The following INF2 variants were observed in gnomAD, a reference collection of about 807,000 sequenced individuals.
The protein encoded by INF2 is inverted formin-2.
INF2 carries 43 observed loss-of-function variants against 123.5 expected under a neutral mutation model. The observed-to-expected ratio is 0.35, with a 90% CI of 0.27 to 0.45. The LOEUF (loss-of-function observed/expected upper bound fraction) is 0.45, where lower values mean the gene tolerates loss of function less well. Among genes scored for constraint, INF2 ranks in the 20% least tolerant of loss-of-function variants. The probability of loss-of-function intolerance (pLI) is 1.00; values close to 1 mark genes in which losing one functional copy is unlikely to be tolerated. For missense variants in INF2, 1,453 were observed against 1,682.7 expected, an observed-to-expected ratio of 0.86 and a Z score of 2.39; for synonymous variants, 851 against 745.0, an observed-to-expected ratio of 1.14 and a Z score of -2.32.
In INF2 at chr14:104,709,305, G is replaced by C; in HGVS notation, c.1974G>C (p.Met658Ile). The C allele has an allele frequency of 6.2e-7, 1 of 1,613,032 alleles. No individual in the cohort carries two copies. Among genetic ancestry groups the C allele is most frequent in the Non-Finnish European group, 8.5e-7 (1 of 1,179,822 alleles). Reference protein sequence around the residue: ...FKCSNEEVAAMIRAGDTTKFD... With the variant: ...FKCSNEEVAAIIRAGDTTKFD... The stretch of plus-strand genomic sequence containing the variant: ...GCTCCAACGAGGAGGTCGCTGCTAT[G>C]ATCCGGGCTGGAGATACCACCAAGT... The change falls in exon 11 of 23, where the codon ATG (methionine) becomes ATC (isoleucine). Residue 658 changes from methionine (M) to isoleucine (I), a missense_variant. By Grantham distance (10) the Met-to-Ile change is conservative. Around this residue, in one of 8 missense-constraint regions of INF2, gnomAD observed 192 missense variants for 274.4 expected, o/e 0.70. Transcript: ENST00000392634.
chr14:104,701,673 G>A lies in INF2; in HGVS notation c.308G>A (p.Ser103Asn), dbSNP rs772195759. Residue 103 changes from serine (S) to asparagine (N), a missense_variant, in exon 2 of 23, where the codon AGC becomes AAC. By Grantham distance (46) the Ser-to-Asn change is conservative. Coordinates refer to ENST00000392634, the MANE Select transcript of INF2 (RefSeq NM_022489.4). ...GCCCTGCTGCAGCTCACCTGCGTCA[G>A]CTGCGTGCGCGCCGTCATGAACTCG... ...SDALLQLTCV[S>N]CVRAVMNSRQ... is the part of the protein sequence containing the mutation. The A allele has an allele frequency of 6.3e-7, 1 of 1,585,068 alleles. No individual in the cohort carries two copies. Among genetic ancestry groups the A allele is most frequent in the Non-Finnish European group, 8.6e-7 (1 of 1,167,188 alleles).
At position 104,714,748 on chromosome 14, in the gene INF2, G is replaced by C; in HGVS notation, c.3586G>C (p.Asp1196His). 6.2e-7 allele frequency: 1 copy of C among 1,602,320 alleles called. No homozygotes were observed. Among genetic ancestry groups the C allele is most frequent in the Non-Finnish European group, 8.5e-7 (1 of 1,174,600 alleles). ...DTSLDKSFSE[D>H]AVTDSSGSGT... ...ATCCCTGGACAAGTCCTTCTCCGAG[G>C]ATGCGGTGACCGACTCCTCGGGGTC... Residue 1196 changes from aspartate to histidine, a missense_variant, in exon 21 of 23, where the codon GAT becomes CAT. This residue lies in a region of INF2 where 344 missense variants were observed against 333.1 expected (regional missense o/e 1.03). Coordinates refer to ENST00000392634, the MANE Select transcript of INF2 (RefSeq NM_022489.4).
At chr14:104,682,511 A>G (rs1400239843) in intron 1 of INF2, among the ~76,000 whole-genome samples, 1 of 152,290 alleles carries the variant, frequency 6.6e-6, no homozygotes, top group South Asian at 2.1e-4. Context: ...GGGAGCAGGG[A>G]CAGCCATCCG....
rs570323218 is a variant in INF2 at position 104,715,287 on chromosome 14, T to A, written c.3698T>A (p.Val1233Asp). Residue 1233 changes from valine to aspartate, a missense_variant, in exon 22 of 23, where the codon GTT becomes GAT. Coordinates refer to ENST00000392634, the MANE Select transcript of INF2 (RefSeq NM_022489.4). ...KKRPSRSQEE[V>D]PPDSDDNKTK... is the part of the protein sequence containing the mutation. ...CGTTTCTTTTATTTGGAAGCAGAGG[T>A]TCCCCCTGATTCTGATGATAATAAA... 8 of 1,613,436 alleles carry A rather than the reference T, an allele frequency of 5.0e-6. No homozygotes were observed. The highest frequency in any genetic ancestry group is 1.3e-5 in the African/African-American group (1 of 75,056).
Position 104,706,083 on chromosome 14 carries a change from G to T in INF2, c.750G>T (p.Glu250Asp), listed in dbSNP as rs1233164839. 1 of 1,612,540 alleles carries T rather than the reference G, an allele frequency of 6.2e-7. No individual in the cohort carries two copies. The highest frequency in any genetic ancestry group is 1.3e-5 in the African/African-American group (1 of 74,946). The change falls in exon 6 of 23, where the codon GAG becomes GAT. Residue 250 changes from glutamate (E) to aspartate (D), a missense_variant. By Grantham distance (45) the Glu-to-Asp change is conservative (BLOSUM62 2). Transcript: ENST00000392634. ...DLLIQLEAFE[E>D]AKAEDEEELL... is the part of the protein sequence containing the mutation. Reference sequence around the variant, plus strand: ...TGATCCAGCTGGAGGCTTTCGAGGAGGCTAAGGCCGAGGACGAGGAGGAGC... The same window carrying T: ...TGATCCAGCTGGAGGCTTTCGAGGATGCTAAGGCCGAGGACGAGGAGGAGC...
In INF2 at chr14:104,713,425, G is replaced by C. The variant is rs879254306; in HGVS notation, c.2879-20G>C. On this transcript the variant is annotated intron_variant, in intron 19 of 22. Transcript: ENST00000392634. Reference sequence around the variant, plus strand: ...GCTCCAGGGTCCCATGCCGCTCTCTGAGTGCCCCACGCTCCTCAGTCAGGA... The same window carrying C: ...GCTCCAGGGTCCCATGCCGCTCTCTCAGTGCCCCACGCTCCTCAGTCAGGA... The C allele has an allele frequency of 5.6e-6, 9 of 1,605,962 alleles. No individual in the cohort carries two copies. Among genetic ancestry groups the C allele is most frequent in the African/African-American group, 1.3e-5 (1 of 74,808 alleles).
At chr14:104,708,363 TCCAGC>T in intron 8 of INF2, 68 bp from the exon 9 acceptor site, 5 of 1,580,360 alleles carry the variant, frequency 3.2e-6, no homozygotes, top group Non-Finnish European at 4.3e-6. Context: ...TCTGGGAGGC[TCCAGC>T]CCCTGCCTGC....
chr14:104,707,398 A>C lies in INF2; in HGVS notation c.1131A>C (p.Thr377=). The C allele has an allele frequency of 1.3e-6, 2 of 1,587,918 alleles. No individual in the cohort carries two copies. The highest frequency in any genetic ancestry group is 1.7e-6 in the Non-Finnish European group (2 of 1,168,774). ...SQRGSSPQNT[T]TPKPSVEGQQ... is the part of the protein sequence containing the mutation. ...GGGGCAGCTCCCCGCAAAACACTAC[A>C]ACCCCCAAGCCCAGCGTGGAGGGCC... Residue 377 remains threonine (T), a synonymous_variant, in exon 8 of 23, where the codon ACA becomes ACC. Coordinates refer to ENST00000392634, the MANE Select transcript of INF2 (RefSeq NM_022489.4).
rs4983379 is a variant in INF2 at position 104,711,689 on chromosome 14, C to A, written c.2479C>A (p.Gln827Lys). ...GCCCCGGGACCTGGAACAGCCCTCG[C>A]AAGCAGCAGGGTAGGTAGCTCCTGC... ...QLPRDLEQPS[Q>K]AAGINLEIIR... Residue 827 changes from glutamine to lysine, a missense_variant, in exon 16 of 23, where the codon CAA becomes AAA. Gln to Lys is a moderately conservative substitution (Grantham distance 53). Transcript: ENST00000392634. 151 of 1,612,254 alleles carry A rather than the reference C, an allele frequency of 9.4e-5. No individual in the cohort carries two copies. The Admixed American group carries it at 2.5e-3, about 27-fold the overall frequency.
In INF2 at chr14:104,714,872, G is replaced by A. The variant is rs556924432; in HGVS notation, c.3694+16G>A. 8.2e-5 allele frequency: 125 copies of A among 1,530,634 alleles called. No homozygotes were observed. The East Asian group carries it at 2.9e-3, about 36-fold the overall frequency. 94.8% of individuals were successfully genotyped at this position (1,530,634 alleles called of 1,614,324 possible). A position where few individuals can be genotyped will look rare whatever the true frequency, so the allele number is the denominator to read the frequency against. ...AGCCAGGAAGGTAACTCAGGGAGGGGCCCCGGGCACCGTCCCACGCCAGGG... is the reference window on the plus strand; with the variant it reads ...AGCCAGGAAGGTAACTCAGGGAGGGACCCCGGGCACCGTCCCACGCCAGGG... On this transcript the variant is annotated intron_variant, in intron 21 of 22. Coordinates refer to ENST00000392634, the MANE Select transcript of INF2 (RefSeq NM_022489.4).
upstream of INF2, among the ~76,000 whole-genome samples, chr14:104,688,848 C>G (rs1425740575): frequency 2.0e-5 from 3 of 152,248 alleles, no homozygotes; most frequent in Admixed American, 2.0e-4. Context: ...GGCTCTCATC[C>G]AACCAGGCTG....
rs1401478610 is a variant in INF2, at chr14:104,719,806, C to T, written c.*1013C>T. Reference sequence around the variant, plus strand: ...CATTCACTGTTGAGGGTCCCCCAGTCCCCCAGGCCAGGGGCTGTCCCTGGA... The same window carrying T: ...CATTCACTGTTGAGGGTCCCCCAGTTCCCCAGGCCAGGGGCTGTCCCTGGA... On this transcript the variant is annotated 3_prime_UTR_variant, in exon 23 of 23. Transcript: ENST00000392634. The T allele has an allele frequency of 6.6e-6, 1 of 152,222 alleles. No homozygotes were observed. The highest frequency in any genetic ancestry group is 2.4e-5 in the African/African-American group (1 of 41,444). 9.4% of individuals were successfully genotyped at this position (152,222 alleles called of 1,614,324 possible).
chr14:104,685,991 ATGGATGGGTAGG>A (rs1888651968), upstream of INF2, among the ~76,000 whole-genome samples: 1 of 64,842 alleles, frequency 1.5e-5, no homozygotes, highest in Admixed American at 2.0e-4. Flanking sequence ...AGGTGGATGG[ATGGATGGGTAGG>A]TGGGTGGATA....
chr14:104,689,539 G>T (rs1457540526), upstream of INF2: 7 of 387,400 alleles, frequency 1.8e-5, no homozygotes, highest in Non-Finnish European at 2.1e-5. Flanking sequence ...CCCCCGGCCC[G>T]CGCTCGCTCC....
intron 22 of INF2, 77 bp downstream of exon 22, chr14:104,715,417 C>G (rs986454032): frequency 1.5e-6 from 2 of 1,316,340 alleles, no homozygotes; most frequent in East Asian, 2.3e-5. Flanking sequence ...TGCCCACACC[C>G]CTCCGGGACA....
rs1890051711 is a variant in INF2, at chr14:104,711,620, C to A, written c.2419-9C>A. On this transcript the variant is annotated splice_polypyrimidine_tract_variant and intron_variant, in intron 15 of 22. Coordinates refer to ENST00000392634, the MANE Select transcript of INF2 (RefSeq NM_022489.4). ...CACAGTGGATCTCACTGGACGTGTC[C>A]CATTGCAGGAAGCGGAAAAGAGCCA... The A allele has an allele frequency of 6.2e-7, 1 of 1,612,198 alleles. No individual in the cohort carries two copies. The highest frequency in any genetic ancestry group is 8.5e-7 in the Non-Finnish European group (1 of 1,179,454).
At chr14:104,715,832 G>A (rs1195024695) in intron 22 of INF2, 1 of 460,744 alleles carries the variant, frequency 2.2e-6, no homozygotes, top group East Asian at 6.8e-5. Context: ...CATGTCCCCA[G>A]GAAGTCTGTG....
chr14:104,703,100 G>A lies in INF2; in HGVS notation c.392-5G>A. On this transcript the variant is annotated splice_region_variant and splice_polypyrimidine_tract_variant and intron_variant, in intron 2 of 22. Coordinates refer to ENST00000392634, the MANE Select transcript of INF2 (RefSeq NM_022489.4). Reference sequence around the variant, plus strand: ...CTGCTGAGCCTGCCCACTCCACCCTGGCAGCCCTGGACACATCCAACGTGA... The same window carrying A: ...CTGCTGAGCCTGCCCACTCCACCCTAGCAGCCCTGGACACATCCAACGTGA... 2 of 1,611,788 alleles carry A rather than the reference G, an allele frequency of 1.2e-6. No homozygotes were observed. Among genetic ancestry groups the A allele is most frequent in the Non-Finnish European group, 1.7e-6 (2 of 1,178,538 alleles).
intron 22 of INF2, among the ~76,000 whole-genome samples, chr14:104,718,468 G>A (rs1465776743): frequency 2.0e-5 from 3 of 152,182 alleles, no homozygotes; most frequent in Non-Finnish European, 4.4e-5. Flanking sequence ...GGGGATGAAT[G>A]AGTAAGGACA....
Sources: allele counts gnomAD v4.1 joint callset (sites outside exome capture counted in the v4.1 genomes callset), GRCh38; gene constraint gnomAD v4.1.1; regional missense constraint gnomAD v4.1.1; transcripts MANE v1.5; gene names NCBI Gene and HGNC (gene_info 2026-07-23, HGNC 2026-07-21).